CYSLTR2: variants seen among roughly 807,000 people sequenced by gnomAD.
The protein encoded by CYSLTR2 is G-protein coupled receptor GPCR21.
For synonymous variants in CYSLTR2, 179 were observed against 160.8 expected (o/e 1.11, Z -0.86); for missense variants, 398 against 411.9 (o/e 0.97, Z 0.29).
At chr13:48,674,159 A>G (rs1040473892) in intron 1 of CYSLTR2, among the ~76,000 whole-genome samples, 3 of 152,018 alleles carry the variant, frequency 2.0e-5, no homozygotes, top group Admixed American at 1.3e-4. Context: ...CTGAATTTGA[A>G]TGTTGGCCTG....
At chr13:48,664,406 G>T (rs189212263) in intron 1 of CYSLTR2, among the ~76,000 whole-genome samples, 2 of 152,094 alleles carry the variant, frequency 1.3e-5, no homozygotes, top group East Asian at 3.9e-4. Flanking sequence ...TAGATGAACC[G>T]ATATGAATTC....
intron 1 of CYSLTR2, among the ~76,000 whole-genome samples, chr13:48,676,415 A>G (rs1953597837): frequency 6.6e-6 from 1 of 152,270 alleles, no homozygotes; most frequent in Non-Finnish European, 1.5e-5. Flanking sequence ...GCAATGATGT[A>G]TAGATTTTAC....
At chr13:48,706,218 A>ACT (rs1489137874) in intron 4 of CYSLTR2, among the ~76,000 whole-genome samples, 1 of 150,150 alleles carries the variant, frequency 6.7e-6, no homozygotes, top group Non-Finnish European at 1.5e-5. Context: ...CTGGTCTTGA[A>ACT]CTCCTGACCT....
chr13:48,676,812 A>G (rs1051077890), intron 1 of CYSLTR2, among the ~76,000 whole-genome samples: 2 of 152,244 alleles, frequency 1.3e-5, no homozygotes, highest in Admixed American at 6.5e-5. Flanking sequence ...TTATTTGTAA[A>G]ATAGAGATAA....
At chr13:48,672,998 A>G (rs1224212930) in intron 1 of CYSLTR2, among the ~76,000 whole-genome samples, 1 of 152,050 alleles carries the variant, frequency 6.6e-6, no homozygotes, top group African/African-American at 2.4e-5. Context: ...GTTCTTTTGC[A>G]TTTGCTGAGG....
intron 1 of CYSLTR2, among the ~76,000 whole-genome samples, chr13:48,670,499 T>G (rs1178993068): frequency 6.6e-6 from 1 of 152,218 alleles, no homozygotes; most frequent in Non-Finnish European, 1.5e-5. Context: ...TGCATATGGC[T>G]AACCAGTTTT....
chr13:48,704,277 G>T (rs920476781), intron 4 of CYSLTR2, among the ~76,000 whole-genome samples: 1 of 152,136 alleles, frequency 6.6e-6, no homozygotes, highest in East Asian at 1.9e-4. Flanking sequence ...ATAATCTCAC[G>T]GTTTGAAGGC....
intron 3 of CYSLTR2, among the ~76,000 whole-genome samples, chr13:48,695,119 G>A (rs1954141739): frequency 8.6e-6 from 1 of 116,898 alleles, no homozygotes; most frequent in African/African-American, 3.3e-5. Flanking sequence ...CCATCACCCA[G>A]GCTGGAGTGC....
chr13:48,687,151 TG>T (rs1263969815), intron 1 of CYSLTR2, among the ~76,000 whole-genome samples: 1 of 152,172 alleles, frequency 6.6e-6, no homozygotes, highest in Admixed American at 6.5e-5. Flanking sequence ...CTTTCACCAG[TG>T]GGCCCCCGGG....
chr13:48,696,496 T>C (rs947433741), intron 3 of CYSLTR2, 30 bp from the exon 4 acceptor site: 1 of 152,188 alleles, frequency 6.6e-6, no homozygotes, highest in African/African-American at 2.4e-5. Flanking sequence ...AAAATTTTTT[T>C]CCTAAAAATT....
At chr13:48,694,861 C>T (rs1415279417) in intron 3 of CYSLTR2, 1 of 152,006 alleles carries the variant, frequency 6.6e-6, no homozygotes, top group East Asian at 1.9e-4. Context: ...AAGTGTTTTC[C>T]TAAACACAAG....
intron 4 of CYSLTR2, among the ~76,000 whole-genome samples, chr13:48,703,856 T>A (rs1298989083): frequency 1.3e-5 from 2 of 152,196 alleles, no homozygotes; most frequent in Non-Finnish European, 2.9e-5. Flanking sequence ...GCCATCTGGA[T>A]CTGGAGGTTT....
chr13:48,654,958 G>C (rs1269800948), intron 1 of CYSLTR2, among the ~76,000 whole-genome samples: 1 of 152,158 alleles, frequency 6.6e-6, no homozygotes, highest in African/African-American at 2.4e-5. Flanking sequence ...AGGAGAAAGG[G>C]AGGTATAATT....
At chr13:48,669,595 A>G (rs541153839) in intron 1 of CYSLTR2, among the ~76,000 whole-genome samples, 4 of 152,328 alleles carry the variant, frequency 2.6e-5, no homozygotes, top group African/African-American at 9.6e-5. Flanking sequence ...ATGTCCCTGC[A>G]AAGGACATGA....
chr13:48,689,573 T>C (rs549810815), intron 1 of CYSLTR2, among the ~76,000 whole-genome samples: 1 of 152,176 alleles, frequency 6.6e-6, no homozygotes, highest in Non-Finnish European at 1.5e-5. Context: ...AGATGTGTGG[T>C]GTTATTTCTG....
chr13:48,702,997 G>A (rs1251583439), intron 4 of CYSLTR2, among the ~76,000 whole-genome samples: 1 of 151,968 alleles, frequency 6.6e-6, no homozygotes, highest in Non-Finnish European at 1.5e-5. Flanking sequence ...TGCAAGTCCT[G>A]TACATGTCTT....
Position 48,701,521 on chromosome 13 carries a change from T to C in CYSLTR2, c.-2+4895T>C, listed in dbSNP as rs190744339. ...AGACTTAAATGTAAAACCTAAAATC[T>C]GGCTAATATCCAGAAGCTACAAAGA... On this transcript the variant is annotated intron_variant, in intron 4 of 4. Transcript: ENST00000682523. Among the ~76,000 whole-genome samples, 6 of 150,172 alleles carry C rather than the reference T, an allele frequency of 4.0e-5. No homozygotes were observed. The East Asian group carries it at 1.2e-3, about 30-fold the overall frequency.
chr13:48,708,141 T>C lies in CYSLTR2; in HGVS notation c.*283T>C, dbSNP rs1014768070. 3.7e-6 allele frequency: 1 copy of C among 271,836 alleles called. No homozygotes were observed. The highest frequency in any genetic ancestry group is 2.2e-5 in the African/African-American group (1 of 44,976). The allele number at this position is 271,836 out of a possible 1,614,324, so 16.8% of individuals were successfully genotyped here. ...CAAAGCACATTGGATCCTACTTTTC[T>C]TCAGATATTGAACCAGATCTCTGGC... On this transcript the variant is annotated 3_prime_UTR_variant, in exon 5 of 5. Coordinates refer to ENST00000682523, the MANE Select transcript of CYSLTR2 (RefSeq NM_001308476.3).
chr13:48,704,333 T>C (rs1954425265), intron 4 of CYSLTR2, among the ~76,000 whole-genome samples: 1 of 152,192 alleles, frequency 6.6e-6, no homozygotes, highest in Non-Finnish European at 1.5e-5. Context: ...GACCAGCCTG[T>C]GCAACATGGA....
Sources: allele counts gnomAD v4.1 joint callset (sites outside exome capture counted in the v4.1 genomes callset), GRCh38; gene constraint gnomAD v4.1.1; transcripts MANE v1.5; gene names NCBI Gene and HGNC (gene_info 2026-07-23, HGNC 2026-07-21).